Variants in RELN observed in about 807,000 individuals in gnomAD.
RELN encodes reelin.
A neutral mutation model predicts 427.6 loss-of-function variants in RELN; 108 were observed. The observed-to-expected ratio is 0.25, with a 90% CI of 0.22 to 0.30. The LOEUF (loss-of-function observed/expected upper bound fraction) is 0.30, where lower values mean the gene tolerates loss of function less well. Among genes scored for constraint, RELN ranks in the 10% least tolerant of loss-of-function variants. The probability of loss-of-function intolerance (pLI) is 1.00; values close to 1 mark genes in which losing one functional copy is unlikely to be tolerated. For synonymous variants in RELN, 1,524 were observed against 1,513.4 expected (o/e 1.01, Z -0.16); for missense variants, 3,715 against 4,302.8 (o/e 0.86, Z 3.82).
At chr7:103,566,102 G>A (rs1830744601) in intron 33 of RELN, 122 bp downstream of exon 33, 1 of 847,572 alleles carries the variant, frequency 1.2e-6, no homozygotes, top group Non-Finnish European at 1.9e-6. Flanking sequence ...TTCACTGAGA[G>A]CCACCCTCAG....
chr7:103,615,916 C>A (rs1198495223), intron 20 of RELN, among the ~76,000 whole-genome samples: 1 of 151,942 alleles, frequency 6.6e-6, no homozygotes, highest in Non-Finnish European at 1.5e-5. Flanking sequence ...GCCTCTTTCC[C>A]ATCTCCAGAA....
intron 60 of RELN, among the ~76,000 whole-genome samples, 180 bp downstream of exon 60, chr7:103,489,562 G>A (rs778301058): frequency 6.6e-6 from 1 of 152,192 alleles, no homozygotes; most frequent in Admixed American, 6.5e-5. Context: ...CAGGAATATT[G>A]CATAAATCTA....
chr7:103,545,841 G>A (rs1055261740), intron 41 of RELN, among the ~76,000 whole-genome samples: 9 of 152,038 alleles, frequency 5.9e-5, no homozygotes, highest in African/African-American at 9.7e-5. Context: ...TCACCATCTT[G>A]GCCAGGCTGG....
At chr7:103,677,947 C>G (rs1273717252) in intron 11 of RELN, among the ~76,000 whole-genome samples, 1 of 151,996 alleles carries the variant, frequency 6.6e-6, no homozygotes, top group Non-Finnish European at 1.5e-5. Flanking sequence ...TTCCTTCCAT[C>G]AGATCCCTGC....
rs1200264577 is a variant in RELN, at chr7:103,874,966, G to T, written c.338-41294C>A. Among the ~76,000 whole-genome samples, 2 of 146,228 alleles carry T rather than the reference G, an allele frequency of 1.4e-5. 1 individual carries two copies. Among genetic ancestry groups the T allele is most frequent in the African/African-American group, 4.9e-5 (2 of 40,818 alleles). ...TACCTGACTTCAAACTATACTACAAGGCTACAGTAACCAAAACAGCATGGT... is the reference window on the plus strand; with the variant it reads ...TACCTGACTTCAAACTATACTACAATGCTACAGTAACCAAAACAGCATGGT... On this transcript the variant is annotated intron_variant, in intron 2 of 64. Transcript: ENST00000428762.
At chr7:103,797,766 C>T (rs1031282576) in intron 3 of RELN, among the ~76,000 whole-genome samples, 2 of 151,942 alleles carry the variant, frequency 1.3e-5, no homozygotes, top group Admixed American at 6.6e-5. Context: ...CATGAAAATC[C>T]GGGGCATGTG....
At chr7:103,701,427 G>T (rs1834089392) in intron 8 of RELN, among the ~76,000 whole-genome samples, 1 of 152,020 alleles carries the variant, frequency 6.6e-6, no homozygotes, top group African/African-American at 2.4e-5. Context: ...TTATTTTTCT[G>T]TGTGTGTATT....
intron 4 of RELN, among the ~76,000 whole-genome samples, chr7:103,772,668 G>A (rs1046171846): frequency 1.3e-5 from 2 of 152,168 alleles, no homozygotes; most frequent in African/African-American, 4.8e-5. Flanking sequence ...AGAACAAAAG[G>A]ATGTAAAAGG....
Position 103,803,229 on chromosome 7 carries a change from G to A in RELN, c.474-26602C>T, listed in dbSNP as rs556439593. Among the ~76,000 whole-genome samples the A allele has an allele frequency of 6.9e-4, 105 of 152,050 alleles. 1 individual carries two copies. Among genetic ancestry groups the A allele is most frequent in the African/African-American group, 2.4e-3 (98 of 41,516 alleles). Reference sequence around the variant, plus strand: ...TTATAAATGCATTTACGATTGCTGCGTCTTCACTTGCCATTTCACTAAAGA... The same window carrying A: ...TTATAAATGCATTTACGATTGCTGCATCTTCACTTGCCATTTCACTAAAGA... On this transcript the variant is annotated intron_variant, in intron 3 of 64. Coordinates refer to ENST00000428762, the MANE Select transcript of RELN (RefSeq NM_005045.4).
intron 3 of RELN, among the ~76,000 whole-genome samples, chr7:103,822,056 C>A (rs1290535360): frequency 1.3e-5 from 2 of 151,950 alleles, no homozygotes; most frequent in Non-Finnish European, 2.9e-5. Context: ...ATATTTATTT[C>A]TCAGTGCTAA....
chr7:103,489,664 G>A, intron 60 of RELN, 78 bp downstream of exon 60: 1 of 1,521,272 alleles, frequency 6.6e-7, no homozygotes, highest in Non-Finnish European at 9.0e-7. Flanking sequence ...CCATTTCCTA[G>A]TGGACTTTTG....
At position 103,512,854 on chromosome 7, in the gene RELN, A is replaced by G. The variant is rs965310002; in HGVS notation, c.8120-1849T>C. 3.9e-5 allele frequency: 6 copies of G among 152,350 alleles called. No individual in the cohort carries two copies. The East Asian group carries it at 7.7e-4, about 20-fold the overall frequency. 9.4% of individuals were successfully genotyped at this position (152,350 alleles called of 1,614,324 possible). On this transcript the variant is annotated intron_variant, in intron 50 of 64. Transcript: ENST00000428762. ...GTGCAGCCGGAGGCTTGGAGCCACT[A>G]TGGAAGCAGCACAGTTGATGCCTCA...
Position 103,483,769 on chromosome 7 carries a change from C to A in RELN, c.10065G>T (p.Val3355=). The A allele has an allele frequency of 6.2e-7, 1 of 1,614,094 alleles. No individual in the cohort carries two copies. The highest frequency in any genetic ancestry group is 8.5e-7 in the Non-Finnish European group (1 of 1,179,920). ...CNSDLSGPHA[V]DKAVLLQYSV... ...TGTATTGCAGCAGCACTGCCTTGTC[C>A]ACAGCGTGGGGGCCACTCAGGTCAC... The change falls in exon 62 of 65, where the codon GTG becomes GTT. Residue 3355 remains valine, a synonymous_variant. Coordinates refer to ENST00000428762, the MANE Select transcript of RELN (RefSeq NM_005045.4).
chr7:103,734,186 G>T (rs1290306713), intron 6 of RELN, among the ~76,000 whole-genome samples: 1 of 152,130 alleles, frequency 6.6e-6, no homozygotes, highest in East Asian at 1.9e-4. Context: ...AAAATGTTGG[G>T]CTTTGTAAAG....
rs746099597 is a variant in RELN, at chr7:103,565,325, T to C, written c.5163A>G (p.Arg1721=). 1.2e-6 allele frequency: 2 copies of C among 1,614,156 alleles called. No homozygotes were observed. Among genetic ancestry groups the C allele is most frequent in the Non-Finnish European group, 8.5e-7 (1 of 1,180,006 alleles). ...YTESSIYTSE[R]FQNWKRITVY... ...CAGTGATCCGCTTCCAATTCTGGAA[T>C]CTTTCCGAGGTGTAAATTGAACTTT... The change falls in exon 34 of 65, where the codon AGA becomes AGG. Residue 1721 remains arginine, a synonymous_variant. Transcript: ENST00000428762.
chr7:103,758,632 T>C (rs1239353063), intron 4 of RELN, among the ~76,000 whole-genome samples: 1 of 151,092 alleles, frequency 6.6e-6, no homozygotes. Context: ...CAAATCCCTC[T>C]TGAGAGCAGA....
At position 103,640,589 on chromosome 7, in the gene RELN, G is replaced by C; in HGVS notation, c.2023C>G (p.Leu675Val). ...IDNVYIGPSC[L>V]KFCSGRGQCT... ...TGTCCTCTGCCAGAACAGAATTTGA[G>C]ACATGACGGGCCAATATAAACTGTG... Residue 675 changes from leucine (L) to valine (V), a missense_variant, in exon 17 of 65, where the codon CTC becomes GTC. Leu to Val is a conservative substitution (Grantham distance 32). Coordinates refer to ENST00000428762, the MANE Select transcript of RELN (RefSeq NM_005045.4). The surrounding 1 kb of genome is among the most constrained non-coding windows in gnomAD (Gnocchi z 4.1). 1 of 1,613,760 alleles carries C rather than the reference G, an allele frequency of 6.2e-7. No individual in the cohort carries two copies. Among genetic ancestry groups the C allele is most frequent in the South Asian group, 1.1e-5 (1 of 91,074 alleles).
chr7:103,882,115 G>A (rs556050095), intron 2 of RELN, among the ~76,000 whole-genome samples: 3 of 152,256 alleles, frequency 2.0e-5, no homozygotes, highest in African/African-American at 7.2e-5. Flanking sequence ...AAAGCACAGG[G>A]AAGCCAACAA....
chr7:103,557,898 T>G (rs561461149), intron 37 of RELN, 67 bp downstream of exon 37: 2 of 795,144 alleles, frequency 2.5e-6, no homozygotes, highest in South Asian at 2.8e-5. Flanking sequence ...AATCCGTGAT[T>G]TCTTTGTGGA....
Sources: gnomAD v4.1 joint callset for allele counts (sites outside exome capture counted in the v4.1 genomes callset) on GRCh38, gnomAD v4.1.1 for gene constraint, Gnocchi (gnomAD v3.1) non-coding constraint, MANE v1.5 for transcripts, NCBI Gene and HGNC (gene_info 2026-07-23, HGNC 2026-07-21) for gene names.